The following B3GALT1 variants were observed in gnomAD, a reference collection of about 807,000 sequenced individuals.
B3GALT1 encodes UDP-Gal:betaGlcNAc beta 1,3-galactosyltransferase, polypeptide 1.
In B3GALT1, 10 loss-of-function variants were observed where a neutral mutation model predicts 23.2. The ratio of observed to expected loss-of-function variants is 0.43; its 90% CI spans 0.27 to 0.73. The LOEUF is 0.73. Ranked by LOEUF, B3GALT1 falls within the 30% of genes least tolerant of loss-of-function variation. B3GALT1 has a pLI of 0.21. For missense variants in B3GALT1, 299 were observed against 405.4 expected (o/e 0.74, Z 2.25); for synonymous variants, 156 against 141.5 (o/e 1.10, Z -0.73).
Position 167,813,934 on chromosome 2 carries a change from G to T in B3GALT1, c.-351-4738G>T, listed in dbSNP as rs151053608. ...GGAGTGATTTTAACTGAAATTCTTT[G>T]GTTGAATTCTTGGCTAATGTATCTA... On this transcript the variant is annotated intron_variant, in intron 3 of 4. Coordinates refer to ENST00000392690, the MANE Select transcript of B3GALT1 (RefSeq NM_020981.4). 2.4e-3 allele frequency among the ~76,000 whole-genome samples: 363 copies of T among 152,176 alleles called. 1 individual carries two copies. Among genetic ancestry groups the T allele is most frequent in the Middle Eastern group, 0.017 (5 of 294 alleles).
intron 1 of B3GALT1, among the ~76,000 whole-genome samples, chr2:167,485,518 A>G (rs1699614709): frequency 6.6e-6 from 1 of 152,186 alleles, no homozygotes; most frequent in South Asian, 2.1e-4. Context: ...TACATATTTC[A>G]TAGTGCTATG....
intron 1 of B3GALT1, among the ~76,000 whole-genome samples, chr2:167,452,804 A>G (rs898930481): frequency 3.9e-5 from 6 of 152,160 alleles, no homozygotes; most frequent in Non-Finnish European, 7.3e-5. Context: ...CCAAAGATAC[A>G]AGAGGCTGAT....
intron 2 of B3GALT1, among the ~76,000 whole-genome samples, chr2:167,633,249 G>A (rs1685482788): frequency 1.3e-5 from 2 of 151,908 alleles, no homozygotes; most frequent in Admixed American, 1.3e-4. Flanking sequence ...ATTCACTGAG[G>A]TTGAAATGAA....
At chr2:167,773,811 A>G (rs895682513) in intron 3 of B3GALT1, among the ~76,000 whole-genome samples, 1 of 152,222 alleles carries the variant, frequency 6.6e-6, no homozygotes, top group Non-Finnish European at 1.5e-5. Flanking sequence ...GAAGTAAAAC[A>G]AAGTGGGAGC....
chr2:167,402,352 T>G (rs917257365), intron 1 of B3GALT1, among the ~76,000 whole-genome samples: 1 of 152,118 alleles, frequency 6.6e-6, no homozygotes, highest in Admixed American at 6.6e-5. Flanking sequence ...CATATTTTTT[T>G]AAGTCAAAAT....
intron 4 of B3GALT1, among the ~76,000 whole-genome samples, chr2:167,863,448 G>T (rs889989256): frequency 6.6e-6 from 1 of 152,140 alleles, no homozygotes. Flanking sequence ...AGATGATTTG[G>T]CAATGGTTGT....
intron 3 of B3GALT1, among the ~76,000 whole-genome samples, chr2:167,662,861 C>T (rs1686089501): frequency 6.6e-6 from 1 of 152,120 alleles, no homozygotes; most frequent in South Asian, 2.1e-4. Context: ...GTTTCTTTTG[C>T]CTGTAATGCT....
intron 3 of B3GALT1, among the ~76,000 whole-genome samples, chr2:167,740,406 T>TA (rs557746488): frequency 1.6e-4 from 24 of 152,292 alleles, no homozygotes; most frequent in African/African-American, 5.5e-4. Context: ...AAACCACCTT[T>TA]AATGAGATGT....
chr2:167,495,403 A>G (rs35580310), intron 2 of B3GALT1, among the ~76,000 whole-genome samples: 70,293 of 143,580 alleles, frequency 0.49, 18,815 homozygotes, highest in East Asian at 0.88. Context: ...TCACAATCTC[A>G]GCTCACTGCA....
Position 167,400,166 on chromosome 2 carries a change from C to CTGTGTGTGTGTGTGTGTG in B3GALT1, c.-510-90001_-510-89984dup, listed in dbSNP as rs149993955. ...GAGTTATGAAATTTTACATCTATGTCTGTGTGTGTGTGTGTGTGTGTGTGT... is the reference window on the plus strand; with the variant it reads ...GAGTTATGAAATTTTACATCTATGTCTGTGTGTGTGTGTGTGTGTGTGTGTGTGTGTGTGTGTGTGTGT... On this transcript the variant is annotated intron_variant, in intron 1 of 4. Transcript: ENST00000392690. 3.8e-3 allele frequency among the ~76,000 whole-genome samples: 554 copies of CTGTGTGTGTGTGTGTGTG among 145,792 alleles called. 10 individuals carry two copies. Among genetic ancestry groups the CTGTGTGTGTGTGTGTGTG allele is most frequent in the South Asian group, 0.01 (45 of 4,476 alleles).
chr2:167,349,217 C>T (rs1697273407), intron 1 of B3GALT1, among the ~76,000 whole-genome samples: 1 of 152,164 alleles, frequency 6.6e-6, no homozygotes, highest in African/African-American at 2.4e-5. Flanking sequence ...GCACTCTGTT[C>T]TGAGTAGCGT....
chr2:167,437,395 T>G (rs764854845), intron 1 of B3GALT1, among the ~76,000 whole-genome samples: 18 of 152,204 alleles, frequency 1.2e-4, no homozygotes, highest in Non-Finnish European at 2.1e-4. Context: ...GTGGGCAGAG[T>G]GTTCTGCTAG....
intron 3 of B3GALT1, among the ~76,000 whole-genome samples, chr2:167,669,343 A>C (rs947217472): frequency 6.6e-6 from 1 of 152,246 alleles, no homozygotes; most frequent in African/African-American, 2.4e-5. Flanking sequence ...TGCAAAATTC[A>C]AATAAGTTCT....
chr2:167,454,222 C>T (rs532682603), intron 1 of B3GALT1, among the ~76,000 whole-genome samples: 10 of 138,340 alleles, frequency 7.2e-5, no homozygotes, highest in South Asian at 2.1e-4. Flanking sequence ...CGCACGCGCG[C>T]GTGCACGTGT....
intron 2 of B3GALT1, among the ~76,000 whole-genome samples, chr2:167,521,968 ATG>A (rs148866209): frequency 0.035 from 4,798 of 138,742 alleles, 137 homozygotes; most frequent in African/African-American, 0.073. Flanking sequence ...ACCAACATAT[ATG>A]TGTGTGTGTG....
intron 1 of B3GALT1, among the ~76,000 whole-genome samples, chr2:167,341,566 G>A (rs1697146855): frequency 6.6e-6 from 1 of 152,110 alleles, no homozygotes; most frequent in Admixed American, 6.5e-5. Context: ...GGAGGCTGAG[G>A]CAGGAGAATC....
rs559951617 is a variant in B3GALT1 at position 167,299,165 on chromosome 2, A to G, written c.-511+5831A>G. ...TGGCTATGAGATGTTTCCTAGACACATATAGATGACATCAGGGCTGAATCA... is the reference window on the plus strand; with the variant it reads ...TGGCTATGAGATGTTTCCTAGACACGTATAGATGACATCAGGGCTGAATCA... On this transcript the variant is annotated intron_variant, in intron 1 of 4. Transcript: ENST00000392690. Among the ~76,000 whole-genome samples, 6 of 152,322 alleles carry G rather than the reference A, an allele frequency of 3.9e-5. 1 individual carries two copies. The South Asian group carries it at 1.0e-3, about 26-fold the overall frequency.
chr2:167,500,224 T>C (rs916642367), intron 2 of B3GALT1, among the ~76,000 whole-genome samples: 1 of 152,154 alleles, frequency 6.6e-6, no homozygotes, highest in Non-Finnish European at 1.5e-5. Flanking sequence ...TCAATCTTAA[T>C]TGAACAAATT....
chr2:167,455,955 G>A (rs1387807774), intron 1 of B3GALT1, among the ~76,000 whole-genome samples: 1 of 152,160 alleles, frequency 6.6e-6, no homozygotes, highest in Non-Finnish European at 1.5e-5. Context: ...TTATGGCAAA[G>A]AGACCTACAG....
Sources: gnomAD v4.1 joint callset for allele counts (sites outside exome capture counted in the v4.1 genomes callset) on GRCh38, gnomAD v4.1.1 for gene constraint, MANE v1.5 for transcripts, NCBI Gene and HGNC (gene_info 2026-07-23, HGNC 2026-07-21) for gene names.